The following ADAMTS20 variants were observed in gnomAD, a reference collection of about 807,000 sequenced individuals.
ADAMTS20 encodes the protein ADAM metallopeptidase with thrombospondin type 1 motif 20.
Under a neutral mutation model 260.1 loss-of-function variants are expected in ADAMTS20, and 225 were observed. The ratio of observed to expected loss-of-function variants is 0.87; its 90% confidence interval spans 0.78 to 0.97. The LOEUF is 0.97. Among genes scored for constraint, ADAMTS20 ranks in the 50% least tolerant of loss-of-function variants. ADAMTS20 has a pLI of 0.00. For synonymous variants in ADAMTS20, 802 were observed against 769.5 expected (o/e 1.04, Z -0.70); for missense variants, 2,400 against 2,337.7 (o/e 1.03, Z -0.55).
intron 3 of ADAMTS20, among the ~76,000 whole-genome samples, chr12:43,518,348 T>A (rs1052357669): frequency 6.6e-6 from 1 of 152,114 alleles, no homozygotes; most frequent in African/African-American, 2.4e-5. Flanking sequence ...TTGATACCAT[T>A]TAGCCAACTA....
At chr12:43,471,177 G>A (rs1266303441) in intron 7 of ADAMTS20, among the ~76,000 whole-genome samples, 2 of 152,174 alleles carry the variant, frequency 1.3e-5, no homozygotes, top group African/African-American at 4.8e-5. Flanking sequence ...CACCTGGGAA[G>A]CGCAAGGGGT....
intron 3 of ADAMTS20, among the ~76,000 whole-genome samples, chr12:43,505,639 G>C (rs1942830735): frequency 6.6e-6 from 1 of 152,170 alleles, no homozygotes; most frequent in Admixed American, 6.5e-5. Flanking sequence ...GAGAGAAAGA[G>C]AGAATAACAA....
intron 18 of ADAMTS20, among the ~76,000 whole-genome samples, chr12:43,438,507 G>A (rs1034256556): frequency 1.2e-4 from 19 of 152,078 alleles, no homozygotes; most frequent in Admixed American, 3.3e-4. Context: ...CTGAGACACT[G>A]CTAAAATAGG....
intron 28 of ADAMTS20, among the ~76,000 whole-genome samples, chr12:43,399,954 A>T (rs956440537): frequency 2.0e-5 from 3 of 152,084 alleles, no homozygotes; most frequent in African/African-American, 7.2e-5. Flanking sequence ...TCTGCCACTT[A>T]TAGCTGGGTG....
chr12:43,382,282 A>T (rs979451772), intron 31 of ADAMTS20, among the ~76,000 whole-genome samples: 7 of 152,174 alleles, frequency 4.6e-5, no homozygotes, highest in Non-Finnish European at 1.0e-4. Context: ...TATTCCTACA[A>T]TGGAATATTA....
Position 43,551,570 on chromosome 12 carries a change from G to A in ADAMTS20, c.91+261C>T, listed in dbSNP as rs969814182. On this transcript the variant is annotated intron_variant, in intron 1 of 38. Coordinates refer to ENST00000389420, the MANE Select transcript of ADAMTS20 (RefSeq NM_025003.5). The surrounding 1 kb of genome is among the most constrained non-coding windows in gnomAD (Gnocchi z 4.6). ...CTAACCTCCCCGCAGCCCCCAACTC[G>A]TTCCCTCCGGGTGCAAGCGACCCCC... is the stretch of plus-strand genomic sequence containing the variant. 6.6e-6 allele frequency among the ~76,000 whole-genome samples: 1 copy of A among 152,032 alleles called. No homozygotes were observed. Among genetic ancestry groups the A allele is most frequent in the Non-Finnish European group, 1.5e-5 (1 of 68,020 alleles).
intron 2 of ADAMTS20, among the ~76,000 whole-genome samples, chr12:43,534,276 T>C (rs191649101): frequency 0.011 from 1,651 of 149,716 alleles, 28 homozygotes; most frequent in East Asian, 0.062. Flanking sequence ...CAAACAAATT[T>C]ACAAGAAAAA....
At chr12:43,520,940 A>G (rs1176799922) in intron 3 of ADAMTS20, among the ~76,000 whole-genome samples, 1 of 152,192 alleles carries the variant, frequency 6.6e-6, no homozygotes, top group African/African-American at 2.4e-5. Flanking sequence ...CTAGATTTTC[A>G]TCTTCTTCGT....
At chr12:43,439,072 C>T (rs1941609971) in intron 18 of ADAMTS20, among the ~76,000 whole-genome samples, 1 of 152,166 alleles carries the variant, frequency 6.6e-6, no homozygotes, top group Non-Finnish European at 1.5e-5. Flanking sequence ...AGACTGCAGA[C>T]TCTAGTCTTT....
At chr12:43,477,689 G>C (rs1002289564) in intron 7 of ADAMTS20, among the ~76,000 whole-genome samples, 1 of 151,794 alleles carries the variant, frequency 6.6e-6, no homozygotes, top group Non-Finnish European at 1.5e-5. Context: ...AAGCATGCAG[G>C]CATATGTACA....
intron 38 of ADAMTS20, 112 bp downstream of exon 38, chr12:43,356,372 A>G (rs1939742460): frequency 1.6e-6 from 1 of 627,442 alleles, no homozygotes; most frequent in Admixed American, 2.9e-5. Context: ...TATATGCAAT[A>G]TCTCTTTAGT....
intron 2 of ADAMTS20, among the ~76,000 whole-genome samples, chr12:43,549,729 A>G (rs275633): frequency 0.97 from 147,114 of 152,230 alleles, 71,163 homozygotes; most frequent in East Asian, 0.99. Context: ...GATGTTGCAA[A>G]TATTTTACAT....
intron 18 of ADAMTS20, among the ~76,000 whole-genome samples, chr12:43,435,683 T>TA (rs148341566): frequency 1.4e-4 from 18 of 128,458 alleles, no homozygotes; most frequent in South Asian, 2.3e-4. Flanking sequence ...AAAAATAAAA[T>TA]AAAAAAAGTC....
intron 4 of ADAMTS20, 74 bp downstream of exon 4, chr12:43,502,078 T>A (rs1431542944): frequency 4.3e-6 from 6 of 1,392,384 alleles, no homozygotes; most frequent in African/African-American, 3.0e-5. Flanking sequence ...GGAAAAAAAA[T>A]TTAATTCGAC....
chr12:43,369,417 A>C, intron 36 of ADAMTS20, 36 bp from the exon 37 acceptor site: 1 of 1,252,524 alleles, frequency 8.0e-7, no homozygotes, highest in South Asian at 1.9e-5. Context: ...TAGCATGGAG[A>C]CAATAATGCA....
At chr12:43,528,365 A>AC (rs1267376760) in intron 3 of ADAMTS20, among the ~76,000 whole-genome samples, 3 of 148,414 alleles carry the variant, frequency 2.0e-5, no homozygotes, top group African/African-American at 4.9e-5. Context: ...AAAAAAAAAA[A>AC]AAAAAAAAAC....
intron 2 of ADAMTS20, among the ~76,000 whole-genome samples, chr12:43,543,053 A>T (rs1943396968): frequency 6.6e-6 from 1 of 152,058 alleles, no homozygotes. Context: ...TAATCCCAAC[A>T]CTTTGGGAGG....
intron 7 of ADAMTS20, among the ~76,000 whole-genome samples, chr12:43,484,210 G>C (rs1002321394): frequency 1.3e-5 from 2 of 152,020 alleles, no homozygotes; most frequent in African/African-American, 4.8e-5. Context: ...AAAATAATTA[G>C]AAGACATAGT....
At chr12:43,401,279 T>C (rs1448509746) in intron 28 of ADAMTS20, among the ~76,000 whole-genome samples, 2 of 151,966 alleles carry the variant, frequency 1.3e-5, no homozygotes, top group African/African-American at 4.8e-5. Context: ...CTAGACATTG[T>C]CCAGCTGTGT....
Sources: allele counts gnomAD v4.1 joint callset (sites outside exome capture counted in the v4.1 genomes callset), GRCh38; gene constraint gnomAD v4.1.1; non-coding constraint Gnocchi (gnomAD v3.1); transcripts MANE v1.5; gene names NCBI Gene and HGNC (gene_info 2026-07-23, HGNC 2026-07-21).